The following CAMTA1 variants were observed in gnomAD, a reference collection of about 807,000 sequenced individuals.
The protein encoded by CAMTA1 is calmodulin binding transcription activator 1.
CAMTA1 carries 27 observed loss-of-function variants against 170.9 expected under a neutral mutation model. That is an observed-to-expected ratio of 0.16 (90% CI 0.12 to 0.22). The LOEUF (loss-of-function observed/expected upper bound fraction) is 0.22. Ranked by LOEUF, CAMTA1 falls within the 10% of genes least tolerant of loss-of-function variation. The pLI is 1.00. For synonymous variants in CAMTA1, 833 were observed against 891.5 expected (o/e 0.93, Z 1.17); for missense variants, 1,619 against 2,217.2 (o/e 0.73, Z 5.42).
At chr1:7,720,504 C>T (rs2096642720) in intron 11 of CAMTA1, among the ~76,000 whole-genome samples, 1 of 152,096 alleles carries the variant, frequency 6.6e-6, no homozygotes, top group African/African-American at 2.4e-5. Context: ...GCCTCAGCCT[C>T]CTGAGTGGCT....
At chr1:7,688,090 C>G (rs1267839174) in intron 11 of CAMTA1, among the ~76,000 whole-genome samples, 1 of 138,214 alleles carries the variant, frequency 7.2e-6, no homozygotes, top group Non-Finnish European at 1.5e-5. Flanking sequence ...CTTACTGCAG[C>G]CTCTGCCTCC....
rs1367836321 is a variant in CAMTA1 at position 7,456,130 on chromosome 1, AG to A, written c.439-11695del. The stretch of plus-strand genomic sequence containing the variant: ...ATGCAGGCAGACCTGGTGAAGGGTG[AG>A]GGGGTACCCATAACAGAGGGATGGA... On this transcript the variant is annotated intron_variant, in intron 5 of 22. Transcript: ENST00000303635. The surrounding 1 kb of genome is among the most constrained non-coding windows in gnomAD (Gnocchi z 4.9). Among the ~76,000 whole-genome samples, 3 of 139,660 alleles carry A rather than the reference AG, an allele frequency of 2.1e-5. No individual in the cohort carries two copies. The highest frequency in any genetic ancestry group is 2.6e-5 in the African/African-American group (1 of 38,018). The allele number at this position is 139,660 out of a possible 152,430, so 91.6% of individuals were successfully genotyped here.
intron 5 of CAMTA1, among the ~76,000 whole-genome samples, chr1:7,361,148 C>T (rs1197478877): frequency 2.0e-5 from 3 of 152,194 alleles, no homozygotes; most frequent in African/African-American, 2.4e-5. Flanking sequence ...ATAGGAGTGG[C>T]GCCATATTCA....
chr1:6,943,865 A>AG (rs1687136843), intron 3 of CAMTA1, among the ~76,000 whole-genome samples: 1 of 104,174 alleles, frequency 9.6e-6, no homozygotes, highest in African/African-American at 3.1e-5. Flanking sequence ...AAAAAAAAAA[A>AG]AAAGAAAAAA....
In CAMTA1 at chr1:7,198,138, A is replaced by C. The variant is rs193146573; in HGVS notation, c.303-51353A>C. 9.3e-4 allele frequency among the ~76,000 whole-genome samples: 141 copies of C among 152,234 alleles called. 1 individual carries two copies. Among genetic ancestry groups the C allele is most frequent in the Non-Finnish European group, 1.7e-3 (117 of 68,020 alleles). On this transcript the variant is annotated intron_variant, in intron 4 of 22. Transcript: ENST00000303635. ...AAGTTCTAGGATATTGGGGTGACCC[A>C]AACCCAGGAATCCAGTTTCTGCCCT...
chr1:7,192,686 G>A (rs541760090), intron 4 of CAMTA1, among the ~76,000 whole-genome samples: 2 of 152,194 alleles, frequency 1.3e-5, no homozygotes, highest in Non-Finnish European at 2.9e-5. Context: ...GGGCATCACG[G>A]CCCCCTCACA....
intron 3 of CAMTA1, among the ~76,000 whole-genome samples, chr1:6,925,008 C>T (rs1282421194): frequency 1.3e-5 from 2 of 152,206 alleles, no homozygotes; most frequent in Non-Finnish European, 2.9e-5. Flanking sequence ...GCTGGCCCTT[C>T]ACGGCCGGTG....
At chr1:7,584,908 A>G (rs371704543) in intron 6 of CAMTA1, among the ~76,000 whole-genome samples, 2 of 152,320 alleles carry the variant, frequency 1.3e-5, no homozygotes, top group African/African-American at 4.8e-5. Context: ...TATCCGGCCT[A>G]CGACGCCAGT....
At chr1:7,398,193 C>CTCTCTCTATA (rs1557651862) in intron 5 of CAMTA1, among the ~76,000 whole-genome samples, 2 of 16,892 alleles carry the variant, frequency 1.2e-4, no homozygotes, top group African/African-American at 1.9e-4. Flanking sequence ...CTCTCTCTCT[C>CTCTCTCTATA]TATATATATA....
At chr1:7,245,813 GT>G (rs1159374573) in intron 4 of CAMTA1, among the ~76,000 whole-genome samples, 1 of 152,170 alleles carries the variant, frequency 6.6e-6, no homozygotes, top group African/African-American at 2.4e-5. Context: ...AGTGTGAACA[GT>G]TTATCTGAGA....
chr1:7,574,022 C>T (rs552448853), intron 6 of CAMTA1, among the ~76,000 whole-genome samples: 2 of 152,296 alleles, frequency 1.3e-5, no homozygotes, highest in South Asian at 2.1e-4. Flanking sequence ...GATCCATCTG[C>T]CTCAGCCTCC....
At chr1:7,022,633 T>G (rs947466369) in intron 3 of CAMTA1, among the ~76,000 whole-genome samples, 2 of 152,308 alleles carry the variant, frequency 1.3e-5, no homozygotes, top group South Asian at 4.1e-4. Flanking sequence ...CTCACCTCCA[T>G]CTGATTGCAG....
At chr1:7,703,718 A>G (rs367788664) in intron 11 of CAMTA1, among the ~76,000 whole-genome samples, 1 of 152,186 alleles carries the variant, frequency 6.6e-6, no homozygotes, top group Non-Finnish European at 1.5e-5. Context: ...TAACAAAAAC[A>G]AAATAGGCGG....
chr1:7,295,870 G>A (rs1011463889), intron 5 of CAMTA1, among the ~76,000 whole-genome samples: 1 of 152,176 alleles, frequency 6.6e-6, no homozygotes, highest in South Asian at 2.1e-4. Flanking sequence ...TTAAAACAAT[G>A]CATATTTATT....
intron 3 of CAMTA1, among the ~76,000 whole-genome samples, chr1:6,999,093 T>A (rs1054582315): frequency 1.3e-5 from 2 of 152,314 alleles, no homozygotes; most frequent in African/African-American, 4.8e-5. Flanking sequence ...AGCCAGCGTT[T>A]CCAGTGGCTT....
At chr1:7,310,663 CTTTCTTTCCTTTCTT>C (rs1676446114) in intron 5 of CAMTA1, among the ~76,000 whole-genome samples, 3 of 29,360 alleles carry the variant, frequency 1.0e-4, no homozygotes, top group East Asian at 6.8e-4. Flanking sequence ...TTCTTTCTTT[CTTTCTTTCCTTTCTT>C]TCTCTCTCTC....
chr1:7,245,798 A>C (rs550493916), intron 4 of CAMTA1, among the ~76,000 whole-genome samples: 1 of 152,272 alleles, frequency 6.6e-6, no homozygotes, highest in Admixed American at 6.5e-5. Context: ...CGAGATGAAG[A>C]CTTGAGTGTG....
intron 4 of CAMTA1, among the ~76,000 whole-genome samples, chr1:7,109,046 C>T (rs1476094975): frequency 6.6e-6 from 1 of 152,252 alleles, no homozygotes; most frequent in Non-Finnish European, 1.5e-5. Flanking sequence ...GCCCTCAGTT[C>T]CTGCCACATG....
chr1:7,595,389 C>T (rs2095391781), intron 6 of CAMTA1, among the ~76,000 whole-genome samples: 1 of 152,182 alleles, frequency 6.6e-6, no homozygotes, highest in South Asian at 2.1e-4. Context: ...TTTAAAAATA[C>T]CTTTTAGAAA....
Sources: allele counts gnomAD v4.1 joint callset (sites outside exome capture counted in the v4.1 genomes callset), GRCh38; gene constraint gnomAD v4.1.1; non-coding constraint Gnocchi (gnomAD v3.1); transcripts MANE v1.5; gene names NCBI Gene and HGNC (gene_info 2026-07-23, HGNC 2026-07-21).